Variants in AGAP5 observed in about 807,000 individuals in gnomAD.
AGAP5 encodes ArfGAP with GTPase domain, ankyrin repeat and PH domain 5.
AGAP5 carries 8 observed loss-of-function variants against 27.7 expected under a neutral mutation model. That is an observed-to-expected ratio of 0.29 (90% CI 0.17 to 0.52). AGAP5 has a LOEUF of 0.52. Ranked by LOEUF, AGAP5 falls within the 20% of genes least tolerant of loss-of-function variation. AGAP5 has a pLI of 0.97. For missense variants in AGAP5, 285 were observed against 880.8 expected (o/e 0.32, Z 8.56); for synonymous variants, 111 against 338.0 (o/e 0.33, Z 7.37).
chr10:73,690,147 C>A (rs1356786811), intron 4 of AGAP5, among the ~76,000 whole-genome samples: 1 of 152,156 alleles, frequency 6.6e-6, no homozygotes, highest in South Asian at 2.1e-4. Flanking sequence ...ATGACAATGG[C>A]GGTTTTGTGG....
At chr10:73,678,216 A>G (rs2081995976) in intron 6 of AGAP5, among the ~76,000 whole-genome samples, 1 of 152,260 alleles carries the variant, frequency 6.6e-6, no homozygotes, top group Admixed American at 6.5e-5. Context: ...CAACGTAACG[A>G]AACTGTGTCT....
At chr10:73,687,358 G>A (rs1218183624) in intron 4 of AGAP5, among the ~76,000 whole-genome samples, 1 of 152,144 alleles carries the variant, frequency 6.6e-6, no homozygotes, top group Non-Finnish European at 1.5e-5. Flanking sequence ...GAGCTCAAGC[G>A]ATCCTCTGCC....
At chr10:73,688,815 TAGAG>T (rs1029250333) in intron 4 of AGAP5, among the ~76,000 whole-genome samples, 11 of 152,126 alleles carry the variant, frequency 7.2e-5, no homozygotes, top group East Asian at 3.9e-4. Flanking sequence ...TTCAGAACCT[TAGAG>T]AGAGAGATTC....
At chr10:73,688,631 G>C (rs988916381) in intron 4 of AGAP5, among the ~76,000 whole-genome samples, 2 of 151,552 alleles carry the variant, frequency 1.3e-5, no homozygotes, top group African/African-American at 4.9e-5. Flanking sequence ...AAATAGAAGG[G>C]GAAAAATTAA....
At chr10:73,696,162 G>A (rs1565010689) in intron 2 of AGAP5, among the ~76,000 whole-genome samples, 1 of 152,048 alleles carries the variant, frequency 6.6e-6, no homozygotes, top group Admixed American at 6.6e-5. Flanking sequence ...ACAGTCATGC[G>A]CCACTACACC....
chr10:73,691,767 T>C (rs1023839573), intron 4 of AGAP5, among the ~76,000 whole-genome samples: 1 of 152,202 alleles, frequency 6.6e-6, no homozygotes, highest in Non-Finnish European at 1.5e-5. Context: ...GCTGTGATTA[T>C]AGACGTTAGC....
At chr10:73,694,045 C>A in intron 3 of AGAP5, among the ~76,000 whole-genome samples, 1 of 152,146 alleles carries the variant, frequency 6.6e-6, no homozygotes, top group Non-Finnish European at 1.5e-5. Context: ...TGCATTACTT[C>A]GCATATTATT....
chr10:73,697,230 T>G, intron 1 of AGAP5, 67 bp from the exon 2 acceptor site: 7 of 1,584,620 alleles, frequency 4.4e-6, no homozygotes, highest in African/African-American at 1.3e-5. Flanking sequence ...ACTCATTTAT[T>G]CAACTGCTGC....
At chr10:73,689,451 C>G (rs192055886) in intron 4 of AGAP5, among the ~76,000 whole-genome samples, 1 of 149,652 alleles carries the variant, frequency 6.7e-6, no homozygotes, top group Non-Finnish European at 1.5e-5. Flanking sequence ...GCCGCCCCAT[C>G]GTCTGGGATG....
rs1235824130 is a variant in AGAP5, at chr10:73,697,416, G to A, written c.223+117C>T. 4.0e-5 allele frequency: 64 copies of A among 1,589,290 alleles called. No individual in the cohort carries two copies. The South Asian group carries it at 5.4e-4, about 14-fold the overall frequency. ...CAGCTTTTGTTCCTGGCCAGCCCCC[G>A]GGAAAGCTGGCTACAAGCAGAAAGG... On this transcript the variant is annotated intron_variant, in intron 1 of 7. Transcript: ENST00000374094.
intron 7 of AGAP5, among the ~76,000 whole-genome samples, 187 bp from the exon 8 acceptor site, chr10:73,676,261 C>G (rs1439026504): frequency 7.5e-6 from 1 of 134,172 alleles, no homozygotes; most frequent in Non-Finnish European, 1.6e-5. Flanking sequence ...TCAAGACCAT[C>G]CTGGCCAACA....
chr10:73,687,682 A>G (rs2082076860), intron 4 of AGAP5, among the ~76,000 whole-genome samples: 1 of 152,230 alleles, frequency 6.6e-6, no homozygotes. Context: ...ATCATTAATT[A>G]TACTCAAATT....
intron 3 of AGAP5, among the ~76,000 whole-genome samples, chr10:73,693,737 C>A (rs563928557): frequency 1.3e-5 from 2 of 151,418 alleles, no homozygotes; most frequent in South Asian, 4.2e-4. Context: ...CTTCCCCCTT[C>A]CCCTCTCTCC....
chr10:73,690,475 A>G (rs550580198), intron 4 of AGAP5, among the ~76,000 whole-genome samples: 1 of 152,248 alleles, frequency 6.6e-6, no homozygotes, highest in East Asian at 1.9e-4. Flanking sequence ...ACACTGCGGA[A>G]GGCCGCAGGG....
chr10:73,694,753 C>T lies in AGAP5; in HGVS notation c.344G>A (p.Arg115Lys), dbSNP rs1157832260. The change falls in exon 3 of 8, where the codon AGG becomes AAG. Residue 115 changes from arginine to lysine, a missense_variant. Coordinates refer to ENST00000374094, the MANE Select transcript of AGAP5 (RefSeq NM_001144000.4). Reference sequence around the variant, plus strand: ...TGTCTCACCATCTGTTTGAGAGTTCCTCTGGAATATTGTGCTTGCCTCTGG... The same window carrying T: ...TGTCTCACCATCTGTTTGAGAGTTCTTCTGGAATATTGTGCTTGCCTCTGG... ...ANPEASTIFQ[R>K]NSQTDVVEIR... The T allele has an allele frequency of 6.3e-7, 1 of 1,597,784 alleles. No individual in the cohort carries two copies. The highest frequency in any genetic ancestry group is 1.1e-5 in the South Asian group (1 of 90,988).
chr10:73,692,575 AAAAAC>A (rs1442147653), intron 3 of AGAP5, among the ~76,000 whole-genome samples: 8 of 152,096 alleles, frequency 5.3e-5, no homozygotes, highest in Admixed American at 2.0e-4. Flanking sequence ...ATATGTCACT[AAAAAC>A]AAAACAAAAT....
intron 1 of AGAP5, 42 bp downstream of exon 1, chr10:73,697,491 C>T (rs1302991404): frequency 6.2e-7 from 1 of 1,608,260 alleles, no homozygotes; most frequent in African/African-American, 1.3e-5. Flanking sequence ...CAGCAGCAGC[C>T]AGAGGCAAAC....
At chr10:73,693,993 A>C (rs999824732) in intron 3 of AGAP5, among the ~76,000 whole-genome samples, 1 of 152,176 alleles carries the variant, frequency 6.6e-6, no homozygotes, top group African/African-American at 2.4e-5. Flanking sequence ...GTCTACTCAA[A>C]CTATAAAAAC....
chr10:73,688,742 G>A (rs1004572566), intron 4 of AGAP5, among the ~76,000 whole-genome samples: 1 of 152,082 alleles, frequency 6.6e-6, no homozygotes, highest in Non-Finnish European at 1.5e-5. Context: ...CTCAAGAAGA[G>A]ATAGTCTGCA....
Sources: allele counts gnomAD v4.1 joint callset (sites outside exome capture counted in the v4.1 genomes callset), GRCh38; gene constraint gnomAD v4.1.1; transcripts MANE v1.5; gene names NCBI Gene and HGNC (gene_info 2026-07-23, HGNC 2026-07-21).